The following SH3TC2 variants were observed in gnomAD, a reference collection of about 807,000 sequenced individuals.
SH3TC2 encodes SH3 domain and tetratricopeptide repeat-containing protein 2.
A neutral mutation model predicts 124.5 loss-of-function variants in SH3TC2; 87 were observed. That is an observed-to-expected ratio of 0.70 (90% confidence interval 0.59 to 0.84). The LOEUF (loss-of-function observed/expected upper bound fraction) is 0.84. Ranked by LOEUF, SH3TC2 falls within the 40% of genes least tolerant of loss-of-function variation. SH3TC2 has a pLI of 0.00. For missense variants in SH3TC2, 1,536 were observed against 1,566.4 expected (o/e 0.98, Z 0.33); for synonymous variants, 634 against 628.5 (o/e 1.01, Z -0.13).
intron 12 of SH3TC2, 100 bp from the exon 13 acceptor site, chr5:149,012,834 G>A (rs2127393444): frequency 7.3e-7 from 1 of 1,363,256 alleles, no homozygotes. Flanking sequence ...GAACAGCCAT[G>A]TCCCACATCA....
At chr5:149,016,335 A>T (rs1402275213) in intron 12 of SH3TC2, among the ~76,000 whole-genome samples, 2 of 152,220 alleles carry the variant, frequency 1.3e-5, no homozygotes, top group African/African-American at 2.4e-5. Flanking sequence ...TCTGGCTCAG[A>T]TATTAGCACT....
At position 149,001,372 on chromosome 5, in the gene SH3TC2, T is replaced by C. The variant is rs1387289561; in HGVS notation, c.*3339A>G. On this transcript the variant is annotated 3_prime_UTR_variant, in exon 17 of 17. Coordinates refer to ENST00000515425, the MANE Select transcript of SH3TC2 (RefSeq NM_024577.4). Reference sequence around the variant, plus strand: ...TGCAATGCCCTTCTTGTTCTTTATTTAGATTAGATGTAAGGAGCCAGCAGT... The same window carrying C: ...TGCAATGCCCTTCTTGTTCTTTATTCAGATTAGATGTAAGGAGCCAGCAGT... 6.6e-6 allele frequency: 1 copy of C among 152,154 alleles called. No individual in the cohort carries two copies. The highest frequency in any genetic ancestry group is 2.4e-5 in the African/African-American group (1 of 41,442). The allele number at this position is 152,154 out of a possible 1,614,324, so 9.4% of individuals were successfully genotyped here.
At chr5:149,012,908 G>A (rs752989933) in intron 12 of SH3TC2, among the ~76,000 whole-genome samples, 174 bp from the exon 13 acceptor site, 84 of 152,108 alleles carry the variant, frequency 5.5e-4, no homozygotes, top group African/African-American at 1.9e-3. Flanking sequence ...CTTTGAGAAC[G>A]TACAGGATCC....
chr5:149,058,583 T>C (rs938758835), intron 1 of SH3TC2, among the ~76,000 whole-genome samples: 2 of 152,006 alleles, frequency 1.3e-5, no homozygotes, highest in Non-Finnish European at 1.5e-5. Context: ...TTTTTTAATA[T>C]ACTTGTTCTG....
chr5:149,012,768 G>A (rs761916589), intron 12 of SH3TC2, 34 bp from the exon 13 acceptor site: 1 of 1,613,220 alleles, frequency 6.2e-7, no homozygotes. Context: ...AGGTGTGAAG[G>A]CTCAAAGGGG....
At position 148,988,354 on chromosome 5, in the gene SH3TC2, A is replaced by G. The variant is rs1753367461; in HGVS notation, c.*16357T>C. ...AAGTGAACCAGGCTTCCCAGTGCTC[A>G]TGCCATTGAGTAATCCCCTCCTATA... On this transcript the variant is annotated 3_prime_UTR_variant, in exon 17 of 17. Coordinates refer to ENST00000515425, the MANE Select transcript of SH3TC2 (RefSeq NM_024577.4). 6.6e-6 allele frequency among the ~76,000 whole-genome samples: 1 copy of G among 152,172 alleles called. No homozygotes were observed. Among genetic ancestry groups the G allele is most frequent in the Admixed American group, 6.5e-5 (1 of 15,280 alleles).
At chr5:149,025,385 GCA>G (rs1186649600) in intron 12 of SH3TC2, among the ~76,000 whole-genome samples, 4 of 152,120 alleles carry the variant, frequency 2.6e-5, no homozygotes. Flanking sequence ...TTGTCCAGGT[GCA>G]CACAGTTACC....
chr5:148,986,995 G>T lies in SH3TC2; in HGVS notation c.*17716C>A, dbSNP rs188859495. Reference sequence around the variant, plus strand: ...GCCAGGGAGCTATTGTTTCTAAAATGATTTTTGGAAAATGAAATATTAATT... The same window carrying T: ...GCCAGGGAGCTATTGTTTCTAAAATTATTTTTGGAAAATGAAATATTAATT... On this transcript the variant is annotated 3_prime_UTR_variant, in exon 17 of 17. Coordinates refer to ENST00000515425, the MANE Select transcript of SH3TC2 (RefSeq NM_024577.4). Among the ~76,000 whole-genome samples the T allele has an allele frequency of 4.0e-4, 61 of 152,290 alleles. No individual in the cohort carries two copies. The highest frequency in any genetic ancestry group is 1.4e-3 in the African/African-American group (59 of 41,568).
At chr5:149,061,741 C>T (rs1439554424) in intron 1 of SH3TC2, among the ~76,000 whole-genome samples, 6 of 152,236 alleles carry the variant, frequency 3.9e-5, no homozygotes, top group South Asian at 4.1e-4. Context: ...CCCCGATCTC[C>T]GACCAGTGGT....
In SH3TC2 at chr5:149,028,049, T is replaced by C; in HGVS notation, c.1683A>G (p.Ala561=). The C allele has an allele frequency of 1.9e-6, 3 of 1,614,092 alleles. No individual in the cohort carries two copies. Among genetic ancestry groups the C allele is most frequent in the Non-Finnish European group, 2.5e-6 (3 of 1,180,018 alleles). The part of the protein sequence containing the change: ...FEEAIHILNG[A]FEDLSLVATL... ...TGGCCACCAAGGATAGGTCCTCAAATGCTCCATTGAGAATGTGGATGGCCT... is the reference window on the plus strand; with the variant it reads ...TGGCCACCAAGGATAGGTCCTCAAACGCTCCATTGAGAATGTGGATGGCCT... The change falls in exon 11 of 17, where the codon GCA becomes GCG. Residue 561 remains alanine (A), a synonymous_variant. Coordinates refer to ENST00000515425, the MANE Select transcript of SH3TC2 (RefSeq NM_024577.4).
In SH3TC2 at chr5:149,001,697, T is replaced by C. The variant is rs1036992507; in HGVS notation, c.*3014A>G. On this transcript the variant is annotated 3_prime_UTR_variant, in exon 17 of 17. Coordinates refer to ENST00000515425, the MANE Select transcript of SH3TC2 (RefSeq NM_024577.4). ...CAATGTTTTTCTTATTTTAAAAAAA[T>C]AGTCTTACCCTTGTCTTTGGAAACA... The C allele has an allele frequency of 1.3e-5, 2 of 152,214 alleles. No individual in the cohort carries two copies. Among genetic ancestry groups the C allele is most frequent in the African/African-American group, 2.4e-5 (1 of 41,452 alleles). 9.4% of individuals were successfully genotyped at this position (152,214 alleles called of 1,614,324 possible). A position where few individuals can be genotyped will look rare whatever the true frequency, so the allele number is the denominator to read the frequency against.
Position 149,017,890 on chromosome 5 carries a change from C to T in SH3TC2, c.3054-5156G>A, listed in dbSNP as rs552296279. Among the ~76,000 whole-genome samples, 12 of 152,342 alleles carry T rather than the reference C, an allele frequency of 7.9e-5. No individual in the cohort carries two copies. In the South Asian group the frequency reaches 2.5e-3, roughly 32 times the overall value. On this transcript the variant is annotated intron_variant, in intron 12 of 16. Transcript: ENST00000515425. Reference sequence around the variant, plus strand: ...CCATGAGCCAAATACAGCTTTCAATCTGCTTTTGTAAATAAAGTGTTATTG... The same window carrying T: ...CCATGAGCCAAATACAGCTTTCAATTTGCTTTTGTAAATAAAGTGTTATTG...
rs897451639 is a variant in SH3TC2 at position 148,985,627 on chromosome 5, T to C, written c.*19084A>G. ...ATTTCCCAGTTTGAAGACATTGGGT[T>C]GTTCCAATTTCTGGCAACTATGAAT... On this transcript the variant is annotated 3_prime_UTR_variant, in exon 17 of 17. Transcript: ENST00000515425. 6.6e-6 allele frequency among the ~76,000 whole-genome samples: 1 copy of C among 152,210 alleles called. No homozygotes were observed. Among genetic ancestry groups the C allele is most frequent in the African/African-American group, 2.4e-5 (1 of 41,462 alleles).
Position 149,053,900 on chromosome 5 carries a change from G to A in SH3TC2, c.53-1660C>T, listed in dbSNP as rs78192017. Among the ~76,000 whole-genome samples the A allele has an allele frequency of 2.2e-3, 330 of 152,288 alleles. 13 individuals carry two copies. In the East Asian group the frequency reaches 0.053, roughly 24 times the overall value. On this transcript the variant is annotated intron_variant, in intron 1 of 16. Coordinates refer to ENST00000515425, the MANE Select transcript of SH3TC2 (RefSeq NM_024577.4). ...ATGGTTACTAGAGGCAGAGAAGGGT[G>A]TGTGCGCTAGGGAGAAGTAGGGATG...
chr5:149,057,862 T>A lies in SH3TC2; in HGVS notation c.52+5109A>T, dbSNP rs117965686. On this transcript the variant is annotated intron_variant, in intron 1 of 16. Transcript: ENST00000515425. ...CTCCCTAGCTCCAAAAGTGAGCACA[T>A]AATTCAGGCATAATCCAACTGGGTT... Among the ~76,000 whole-genome samples, 3 of 152,318 alleles carry A rather than the reference T, an allele frequency of 2.0e-5. No individual in the cohort carries two copies. In the East Asian group the frequency reaches 5.8e-4, roughly 29 times the overall value.
chr5:149,005,937 AC>A (rs1401873627), intron 16 of SH3TC2, among the ~76,000 whole-genome samples: 5 of 152,156 alleles, frequency 3.3e-5, no homozygotes, highest in Middle Eastern at 3.2e-3. Context: ...GAGATTTGCA[AC>A]CAACACAACT....
chr5:149,062,977 C>T lies in SH3TC2; in HGVS notation c.46G>A (p.Gly16Ser), dbSNP rs753975938. Residue 16 changes from glycine to serine, a missense_variant, in exon 1 of 17, where the codon GGC becomes AGC. Physicochemically the swap from Gly to Ser is moderately conservative, Grantham distance 56 (BLOSUM62 0). This residue lies in a region of SH3TC2 where 1,102 missense variants were observed against 1,098.6 expected (regional missense o/e 1.00). Transcript: ENST00000515425. ...GGCCCCCTGGGAAACTCACCTGGGC[C>T]CCGGGTCAGACTCCGCTCCCTGGGG... ...CIPRERSLTR[G>S]PGKETPSKDP... 8 of 1,594,610 alleles carry T rather than the reference C, an allele frequency of 5.0e-6. No homozygotes were observed. Among genetic ancestry groups the T allele is most frequent in the South Asian group, 3.4e-5 (3 of 87,604 alleles).
At chr5:149,020,113 A>AACACACACACACACACACACACACACAC (rs56088659) in intron 12 of SH3TC2, among the ~76,000 whole-genome samples, 1 of 146,804 alleles carries the variant, frequency 6.8e-6, no homozygotes, top group Admixed American at 6.7e-5. Flanking sequence ...GAAAAGGTCA[A>AACACACACACACACACACACACACACAC]ACACACACAC....
chr5:149,030,700 T>G (rs956706128), intron 9 of SH3TC2, among the ~76,000 whole-genome samples: 7 of 152,268 alleles, frequency 4.6e-5, no homozygotes, highest in African/African-American at 1.7e-4. Flanking sequence ...CTCCCTGCTC[T>G]ACTCCTGGGA....
Sources: allele counts gnomAD v4.1 joint callset (sites outside exome capture counted in the v4.1 genomes callset), GRCh38; gene constraint gnomAD v4.1.1; regional missense constraint gnomAD v4.1.1; transcripts MANE v1.5; gene names NCBI Gene and HGNC (gene_info 2026-07-23, HGNC 2026-07-21).